NXPH1: variants seen among roughly 807,000 people sequenced by gnomAD.
NXPH1 encodes neurexophilin-1.
A neutral mutation model predicts 23.7 loss-of-function variants in NXPH1; 5 were observed. That is an observed-to-expected ratio of 0.21 (90% CI 0.11 to 0.44). NXPH1 has a LOEUF of 0.44. NXPH1 is among the 20% of genes least tolerant of loss of function. The pLI, the probability that NXPH1 is intolerant of heterozygous loss-of-function variation, is 0.99. For missense variants in NXPH1, 324 were observed against 321.6 expected, an observed-to-expected ratio of 1.01 and a Z score of -0.06; for synonymous variants, 144 against 122.2, an observed-to-expected ratio of 1.18 and a Z score of -1.18.
chr7:8,741,860 G>A (rs1243157386), intron 2 of NXPH1, among the ~76,000 whole-genome samples: 3 of 152,042 alleles, frequency 2.0e-5, no homozygotes, highest in Admixed American at 6.6e-5. Flanking sequence ...TTTATTAAGT[G>A]CTTACTCTAT....
At chr7:8,480,352 C>A (rs1019153883) in intron 2 of NXPH1, among the ~76,000 whole-genome samples, 2 of 152,108 alleles carry the variant, frequency 1.3e-5, no homozygotes, top group East Asian at 1.9e-4. Flanking sequence ...ATATATGTGG[C>A]CTGAGATCTT....
rs116812663 is a variant in NXPH1 at position 8,707,247 on chromosome 7, G to C, written c.55-43761G>C. Among the ~76,000 whole-genome samples the C allele has an allele frequency of 9.3e-3, 1,421 of 152,120 alleles. 13 individuals carry two copies. The highest frequency in any genetic ancestry group is 0.032 in the African/African-American group (1,326 of 41,510). Reference sequence around the variant, plus strand: ...TTTGTAAACACATTATGCTTTTTAAGCTTCTAGCAGGCCCAGCTTTTCTAT... The same window carrying C: ...TTTGTAAACACATTATGCTTTTTAACCTTCTAGCAGGCCCAGCTTTTCTAT... On this transcript the variant is annotated intron_variant, in intron 2 of 2. Transcript: ENST00000405863.
intron 2 of NXPH1, among the ~76,000 whole-genome samples, chr7:8,613,944 C>T (rs1388118787): frequency 6.6e-6 from 1 of 151,666 alleles, no homozygotes; most frequent in Non-Finnish European, 1.5e-5. Context: ...AAATCATAAT[C>T]TTAGTTTCAA....
chr7:8,545,008 G>T (rs1263966069), intron 2 of NXPH1, among the ~76,000 whole-genome samples: 1 of 151,520 alleles, frequency 6.6e-6, no homozygotes, highest in African/African-American at 2.4e-5. Context: ...CATCTTTGCT[G>T]CAGTACTGAA....
intron 2 of NXPH1, among the ~76,000 whole-genome samples, chr7:8,540,847 G>A (rs980026383): frequency 9.2e-5 from 14 of 151,844 alleles, no homozygotes; most frequent in Middle Eastern, 6.8e-3. Flanking sequence ...TCTTGTCTCA[G>A]TGGTGAAGAA....
At chr7:8,502,318 C>T (rs1817450339) in intron 2 of NXPH1, among the ~76,000 whole-genome samples, 1 of 151,946 alleles carries the variant, frequency 6.6e-6, no homozygotes, top group Non-Finnish European at 1.5e-5. Context: ...CCAGGATTCC[C>T]TATCAAGGGA....
chr7:8,448,650 C>A (rs1200326675), intron 2 of NXPH1, among the ~76,000 whole-genome samples: 1 of 152,090 alleles, frequency 6.6e-6, no homozygotes, highest in South Asian at 2.1e-4. Flanking sequence ...AACCCTGTCT[C>A]TACTAAAATA....
In NXPH1 at chr7:8,575,203, A is replaced by G. The variant is rs528297600; in HGVS notation, c.54+139436A>G. Among the ~76,000 whole-genome samples, 130 of 152,300 alleles carry G rather than the reference A, an allele frequency of 8.5e-4. 2 individuals are homozygous for G. The highest frequency in any genetic ancestry group is 1.6e-3 in the Non-Finnish European group (106 of 68,036). On this transcript the variant is annotated intron_variant, in intron 2 of 2. Transcript: ENST00000405863. ...CTCTAATCCATTTTTCTTTTGGCCA[A>G]TTTAAAGCAAATAAATCAGGTCAGT...
chr7:8,454,600 TTCTG>T (rs1247347838), intron 2 of NXPH1, among the ~76,000 whole-genome samples: 2 of 152,238 alleles, frequency 1.3e-5, no homozygotes, highest in South Asian at 4.1e-4. Flanking sequence ...TAGCCACTCT[TTCTG>T]GCCCCCACCG....
At chr7:8,717,385 CAACAAATTGACTGACTGATCTTT>C (rs1404001670) in intron 2 of NXPH1, among the ~76,000 whole-genome samples, 1 of 152,054 alleles carries the variant, frequency 6.6e-6, no homozygotes, top group Non-Finnish European at 1.5e-5. Flanking sequence ...GAAAAAACTC[CAACAAATTGACTGACTGATCTTT>C]AGTGAGTCAA....
intron 2 of NXPH1, among the ~76,000 whole-genome samples, chr7:8,729,193 T>G (rs1054325732): frequency 6.6e-6 from 1 of 151,380 alleles, no homozygotes; most frequent in Non-Finnish European, 1.5e-5. Flanking sequence ...ATATCCCCTT[T>G]ATCATTTTTT....
chr7:8,685,468 C>T (rs371215341), intron 2 of NXPH1, among the ~76,000 whole-genome samples: 1 of 151,732 alleles, frequency 6.6e-6, no homozygotes, highest in African/African-American at 2.4e-5. Context: ...ATAGTACTCC[C>T]TTGTGTATAT....
intron 2 of NXPH1, among the ~76,000 whole-genome samples, chr7:8,585,775 G>A (rs1326296607): frequency 1.3e-5 from 2 of 152,170 alleles, no homozygotes; most frequent in Non-Finnish European, 2.9e-5. Context: ...ATTGGGCAGG[G>A]CAGGCAGACA....
At chr7:8,628,911 G>A (rs565959538) in intron 2 of NXPH1, among the ~76,000 whole-genome samples, 1 of 151,302 alleles carries the variant, frequency 6.6e-6, no homozygotes, top group East Asian at 1.9e-4. Flanking sequence ...GATGACGAAA[G>A]CCTCATGTAT....
At chr7:8,535,524 A>T (rs1234292945) in intron 2 of NXPH1, among the ~76,000 whole-genome samples, 1 of 151,930 alleles carries the variant, frequency 6.6e-6, no homozygotes, top group African/African-American at 2.4e-5. Context: ...TGGGATATGG[A>T]ATATAGCACT....
intron 2 of NXPH1, among the ~76,000 whole-genome samples, chr7:8,685,553 G>A (rs1250478356): frequency 6.6e-6 from 1 of 151,924 alleles, no homozygotes; most frequent in Admixed American, 6.6e-5. Context: ...ATTGTAAACA[G>A]CGCTACACAA....
intron 2 of NXPH1, among the ~76,000 whole-genome samples, chr7:8,443,371 G>C (rs1816338807): frequency 6.6e-6 from 1 of 152,246 alleles, no homozygotes; most frequent in Non-Finnish European, 1.5e-5. Flanking sequence ...GAAACGTGAA[G>C]GCTGTAACGA....
At chr7:8,469,178 A>T (rs73048813) in intron 2 of NXPH1, among the ~76,000 whole-genome samples, 48 of 152,074 alleles carry the variant, frequency 3.2e-4, no homozygotes, top group African/African-American at 8.9e-4. Flanking sequence ...TTATTTTTTT[A>T]AAAAAGTACC....
intron 2 of NXPH1, among the ~76,000 whole-genome samples, chr7:8,721,550 T>G (rs1314455126): frequency 7.9e-5 from 12 of 152,012 alleles, no homozygotes; most frequent in Admixed American, 7.9e-4. Context: ...CCGAGGTGGG[T>G]GGATCACGAG....
Sources: allele counts gnomAD v4.1 joint callset (sites outside exome capture counted in the v4.1 genomes callset), GRCh38; gene constraint gnomAD v4.1.1; transcripts MANE v1.5; gene names NCBI Gene and HGNC (gene_info 2026-07-23, HGNC 2026-07-21).